Variants in IPO11 observed in about 807,000 individuals in gnomAD.
IPO11 encodes the protein importin-11.
A neutral mutation model predicts 143.2 loss-of-function variants in IPO11; 66 were observed. That is an observed-to-expected ratio of 0.46 (90% CI 0.38 to 0.57). The LOEUF is 0.57. IPO11 is among the 20% of genes least tolerant of loss of function. The pLI is 0.00. For synonymous variants in IPO11, 385 were observed against 377.8 expected (o/e 1.02, Z -0.22); for missense variants, 1,026 against 1,141.0 (o/e 0.90, Z 1.45).
At chr5:62,509,488 A>C (rs1235732149) in intron 19 of IPO11, among the ~76,000 whole-genome samples, 1 of 152,206 alleles carries the variant, frequency 6.6e-6, no homozygotes, top group African/African-American at 2.4e-5. Context: ...CCCACACCTC[A>C]AATTCTTTGG....
intron 2 of IPO11, among the ~76,000 whole-genome samples, chr5:62,442,060 A>G (rs963708812): frequency 1.1e-4 from 16 of 151,642 alleles, no homozygotes; most frequent in South Asian, 2.1e-4. Flanking sequence ...TGGCCAGGAT[A>G]GTCTCGATCT....
In IPO11 at chr5:62,455,770, T is replaced by TGA. The variant is rs145494846; in HGVS notation, c.516+3849_516+3850dup. Reference sequence around the variant, plus strand: ...ACAAAAAGGAATTCTTTTTTTTTTTTGAGAGAGAGAGAGGTGCTGTCTTGG... The same window carrying TGA: ...ACAAAAAGGAATTCTTTTTTTTTTTTGAGAGAGAGAGAGAGGTGCTGTCTTGG... On this transcript the variant is annotated intron_variant, in intron 5 of 29. Coordinates refer to ENST00000325324, the MANE Select transcript of IPO11 (RefSeq NM_016338.5). 9.7e-3 allele frequency among the ~76,000 whole-genome samples: 1,465 copies of TGA among 151,776 alleles called. 27 individuals carry two copies. The highest frequency in any genetic ancestry group is 0.034 in the African/African-American group (1,406 of 41,384).
chr5:62,555,542 C>T (rs1487013483), intron 26 of IPO11, among the ~76,000 whole-genome samples: 2 of 150,652 alleles, frequency 1.3e-5, no homozygotes, highest in African/African-American at 4.9e-5. Flanking sequence ...CTTGCTCTGT[C>T]GCCCAGGCTG....
chr5:62,581,811 C>T (rs1261323031), intron 27 of IPO11, among the ~76,000 whole-genome samples: 2 of 152,162 alleles, frequency 1.3e-5, no homozygotes, highest in Non-Finnish European at 2.9e-5. Context: ...GGTTACTGCA[C>T]AGTGCGATGA....
Position 62,462,928 on chromosome 5 carries a change from G to T in IPO11, c.517-4203G>T, listed in dbSNP as rs529433028. 1.5e-4 allele frequency among the ~76,000 whole-genome samples: 23 copies of T among 151,544 alleles called. No individual in the cohort carries two copies. In the South Asian group the frequency reaches 1.7e-3, roughly 11 times the overall value. On this transcript the variant is annotated intron_variant, in intron 5 of 29. Transcript: ENST00000325324. ...GTCTGGCATGTAGTGGTAGTGGGGG[G>T]TATTGAGAATTAGATAAAAGGTCTA... is the stretch of plus-strand genomic sequence containing the variant.
Position 62,580,995 on chromosome 5 carries a change from A to G in IPO11, c.2583-10582A>G, listed in dbSNP as rs552670331. The G allele has an allele frequency of 4.7e-5, 73 of 1,551,166 alleles. No homozygotes were observed. The East Asian group carries it at 1.8e-3, about 37-fold the overall frequency. On this transcript the variant is annotated intron_variant, in intron 27 of 29. Transcript: ENST00000325324. ...GGAAAACATCTCTAATTTGTACACA[A>G]GAAGTTGAGAAGTTGAATGAGGCTT...
intron 28 of IPO11, among the ~76,000 whole-genome samples, chr5:62,599,865 A>T (rs940494640): frequency 1.3e-5 from 2 of 152,190 alleles, no homozygotes; most frequent in Non-Finnish European, 2.9e-5. Flanking sequence ...GTCTATCTTT[A>T]ATCTTTATCA....
At chr5:62,551,080 A>G (rs909364192) in intron 25 of IPO11, 143 bp from the exon 26 acceptor site, 7 of 433,690 alleles carry the variant, frequency 1.6e-5, no homozygotes, top group Admixed American at 3.5e-5. Flanking sequence ...GTTAGAACTC[A>G]GGCAGTATTG....
chr5:62,514,842 A>G (rs1741951564), intron 19 of IPO11, among the ~76,000 whole-genome samples: 2 of 152,220 alleles, frequency 1.3e-5, no homozygotes, highest in South Asian at 4.1e-4. Context: ...TGAGCTTAGC[A>G]ATTTTATCCT....
intron 29 of IPO11, among the ~76,000 whole-genome samples, chr5:62,626,359 T>A (rs1746577260): frequency 1.3e-5 from 2 of 152,164 alleles, no homozygotes; most frequent in South Asian, 2.1e-4. Context: ...GGTACATTTA[T>A]CAAAATTAAG....
intron 27 of IPO11, among the ~76,000 whole-genome samples, chr5:62,563,956 A>G (rs1461682424): frequency 6.6e-6 from 1 of 152,184 alleles, no homozygotes; most frequent in Non-Finnish European, 1.5e-5. Flanking sequence ...TTTAAATTTA[A>G]AAGTTGTGAG....
At chr5:62,446,068 TAG>T (rs1250386873) in intron 3 of IPO11, among the ~76,000 whole-genome samples, 1 of 152,176 alleles carries the variant, frequency 6.6e-6, no homozygotes, top group Non-Finnish European at 1.5e-5. Context: ...ATAAAAGGAT[TAG>T]AGAGATCATT....
chr5:62,527,582 A>G (rs1408292016), intron 21 of IPO11, among the ~76,000 whole-genome samples: 1 of 152,202 alleles, frequency 6.6e-6, no homozygotes, highest in Non-Finnish European at 1.5e-5. Flanking sequence ...ATCCAATATT[A>G]AAGAGATTAG....
chr5:62,623,601 G>A (rs1453263403), intron 29 of IPO11, among the ~76,000 whole-genome samples: 1 of 151,776 alleles, frequency 6.6e-6, no homozygotes, highest in Non-Finnish European at 1.5e-5. Flanking sequence ...AGGGCTGCTG[G>A]CTGGCTATTT....
chr5:62,544,787 A>G (rs1218614642), intron 24 of IPO11, among the ~76,000 whole-genome samples: 3 of 152,226 alleles, frequency 2.0e-5, no homozygotes, highest in Admixed American at 6.5e-5. Flanking sequence ...AAAAATCACA[A>G]GCATTTTTAT....
intron 1 of IPO11, among the ~76,000 whole-genome samples, chr5:62,415,567 C>T (rs1053851218): frequency 6.7e-6 from 1 of 149,026 alleles, no homozygotes; most frequent in Admixed American, 6.8e-5. Context: ...CTCCTGGGTT[C>T]AAGTGATTCT....
chr5:62,435,293 C>T (rs1016443155), intron 1 of IPO11, among the ~76,000 whole-genome samples: 23 of 149,070 alleles, frequency 1.5e-4, no homozygotes, highest in African/African-American at 5.2e-4. Context: ...TACTACTTAA[C>T]GTGGCTGCTA....
chr5:62,456,518 A>G (rs916409966), intron 5 of IPO11, among the ~76,000 whole-genome samples: 1 of 152,202 alleles, frequency 6.6e-6, no homozygotes, highest in African/African-American at 2.4e-5. Flanking sequence ...GTGCAGTGGC[A>G]CAAACATAGG....
At position 62,463,287 on chromosome 5, in the gene IPO11, CCTCTTGCCTTAGCCTCCCA is replaced by C. The variant is rs1745440431; in HGVS notation, c.517-3843_517-3825del. ...TCTTCAACTCCTTACCTCAAGTGAT[CCTCTTGCCTTAGCCTCCCA>C]AAGTGCTAGGATTACAGTTGTGAGA... On this transcript the variant is annotated intron_variant, in intron 5 of 29. Coordinates refer to ENST00000325324, the MANE Select transcript of IPO11 (RefSeq NM_016338.5). Among the ~76,000 whole-genome samples, 3 of 152,094 alleles carry C rather than the reference CCTCTTGCCTTAGCCTCCCA, an allele frequency of 2.0e-5. No individual in the cohort carries two copies. The South Asian group carries it at 6.2e-4, about 32-fold the overall frequency.
Sources: gnomAD v4.1 joint callset for allele counts (sites outside exome capture counted in the v4.1 genomes callset) on GRCh38, gnomAD v4.1.1 for gene constraint, MANE v1.5 for transcripts, NCBI Gene and HGNC (gene_info 2026-07-23, HGNC 2026-07-21) for gene names.